The following TRIM40 variants were observed in gnomAD, a reference collection of about 807,000 sequenced individuals.
TRIM40 encodes E3 ubiquitin ligase TRIM40.
TRIM40 carries 27 observed loss-of-function variants against 26.1 expected under a neutral mutation model. That is an observed-to-expected ratio of 1.04 (90% CI 0.76 to 1.43). The LOEUF is 1.43. TRIM40 is among the 40% of genes most tolerant of loss of function. The probability of loss-of-function intolerance (pLI) is 0.00; values close to 1 mark genes in which losing one functional copy is unlikely to be tolerated. For missense variants in TRIM40, 289 were observed against 307.9 expected (o/e 0.94, Z 0.46); for synonymous variants, 114 against 120.0 (o/e 0.95, Z 0.33).
chr6:30,147,782 A>ATT lies in TRIM40; in HGVS notation c.748_749dup (p.Leu250PhefsTer51). The ATT allele has an allele frequency of 6.2e-7, 1 of 1,614,186 alleles. No homozygotes were observed. The highest frequency in any genetic ancestry group is 8.5e-7 in the Non-Finnish European group (1 of 1,180,018). On this transcript the variant is annotated frameshift_variant, in exon 6 of 6. Transcript: ENST00000396581. LOFTEE classifies it low-confidence loss of function (END_TRUNC). ...CCCAGTTGGAGAAAGGAGTCAGTGA[A>ATT]TTGCTTCTTCAGCCCCCTCAGAAGC...
At chr6:30,146,451 G>A (rs540222150) in intron 3 of TRIM40, among the ~76,000 whole-genome samples, 5 of 151,196 alleles carry the variant, frequency 3.3e-5, no homozygotes, top group East Asian at 1.9e-4. Flanking sequence ...TTGCTCTGTC[G>A]CCCAGGCTGG....
At position 30,137,214 on chromosome 6, in the gene TRIM40, T is replaced by C; in HGVS notation, c.178T>C (p.Cys60Arg). Residue 60 changes from cysteine (C) to arginine (R), a missense_variant, in exon 2 of 6, where the codon TGT becomes CGT. By Grantham distance (180) the Cys-to-Arg change is radical (BLOSUM62 -3). Transcript: ENST00000396581. ...CTGCTGCCCCCTCTGCCGGAAGCCCTGTTCTGAGGAGGTGCTAGGGACAGG... is the reference window on the plus strand; with the variant it reads ...CTGCTGCCCCCTCTGCCGGAAGCCCCGTTCTGAGGAGGTGCTAGGGACAGG... The part of the protein sequence containing the change: ...VFCCPLCRKP[C>R]SEEVLGTGYI... 6.2e-7 allele frequency: 1 copy of C among 1,613,060 alleles called. No homozygotes were observed. The highest frequency in any genetic ancestry group is 1.6e-4 in the Middle Eastern group (1 of 6,062).
chr6:30,147,584 C>A, intron 5 of TRIM40, 42 bp downstream of exon 5: 1 of 1,614,146 alleles, frequency 6.2e-7, no homozygotes, highest in Non-Finnish European at 8.5e-7. Flanking sequence ...TGCATATAAA[C>A]CCACACAACA....
At chr6:30,141,412 G>A (rs965469364) in intron 2 of TRIM40, among the ~76,000 whole-genome samples, 5 of 152,198 alleles carry the variant, frequency 3.3e-5, no homozygotes, top group African/African-American at 9.7e-5. Flanking sequence ...AAGTTTTGGG[G>A]TAAGGTTCTG....
intron 2 of TRIM40, among the ~76,000 whole-genome samples, chr6:30,139,285 G>C (rs1200212545): frequency 6.6e-6 from 1 of 151,624 alleles, no homozygotes; most frequent in East Asian, 1.9e-4. Context: ...CCAGGAGTTT[G>C]CAGTGTAGTA....
At chr6:30,137,559 T>C (rs1312381200) in intron 2 of TRIM40, among the ~76,000 whole-genome samples, 178 bp downstream of exon 2, 6 of 152,224 alleles carry the variant, frequency 3.9e-5, no homozygotes, top group Admixed American at 1.3e-4. Context: ...TTGAGGCTGA[T>C]GTTTCCATGC....
rs200653103 is a variant in TRIM40, at chr6:30,136,699, C to G, written c.-304-34C>G. The G allele has an allele frequency of 1.5e-4, 50 of 331,462 alleles. 2 individuals are homozygous for G. The East Asian group carries it at 2.3e-3, about 15-fold the overall frequency. 20.5% of individuals were successfully genotyped at this position (331,462 alleles called of 1,614,324 possible). On this transcript the variant is annotated intron_variant, in intron 1 of 5. Coordinates refer to ENST00000396581, the MANE Select transcript of TRIM40 (RefSeq NM_001286633.2). ...TCACTGAAAGCTGTCAAGAGGAAAA[C>G]AGAATTGGTTATTGAATCACTTGCT... is the stretch of plus-strand genomic sequence containing the variant.
intron 2 of TRIM40, among the ~76,000 whole-genome samples, chr6:30,145,405 C>T (rs1378538774): frequency 1.3e-5 from 2 of 152,166 alleles, no homozygotes; most frequent in East Asian, 3.8e-4. Context: ...CATCAAAAAC[C>T]TGAAAGCAAA....
At chr6:30,146,618 A>G (rs765491994) in intron 3 of TRIM40, among the ~76,000 whole-genome samples, 13 of 151,992 alleles carry the variant, frequency 8.6e-5, no homozygotes, top group Non-Finnish European at 1.5e-4. Context: ...TCACCATGTT[A>G]GCCAGGATGG....
Position 30,137,156 on chromosome 6 carries a change from G to A in TRIM40, c.120G>A (p.Gln40=), listed in dbSNP as rs779068587. Residue 40 remains glutamine (Q), a synonymous_variant, in exon 2 of 6, where the codon CAG becomes CAA. Transcript: ENST00000396581. ...GHLFCRVCLT[Q]HVEKASASGV... ...TCTTCTGTCGAGTGTGCCTGACACAGCATGTGGAGAAGGCCTCAGCCTCTG... is the reference window on the plus strand; with the variant it reads ...TCTTCTGTCGAGTGTGCCTGACACAACATGTGGAGAAGGCCTCAGCCTCTG... 1.1e-5 allele frequency: 18 copies of A among 1,612,998 alleles called. No homozygotes were observed. Among genetic ancestry groups the A allele is most frequent in the Non-Finnish European group, 1.4e-5 (17 of 1,180,046 alleles).
In TRIM40 at chr6:30,147,761, G is replaced by T. The variant is rs1303797578; in HGVS notation, c.726G>T (p.Gln242His). Residue 242 changes from glutamine (Q) to histidine (H), a missense_variant, in exon 6 of 6, where the codon CAG (glutamine) becomes CAT (histidine). Physicochemically the swap from Gln to His is conservative, Grantham distance 24 (BLOSUM62 0). Coordinates refer to ENST00000396581, the MANE Select transcript of TRIM40 (RefSeq NM_001286633.2). The stretch of plus-strand genomic sequence containing the variant: ...AGAAATTAGAGGTTATTTATCCCCA[G>T]TTGGAGAAAGGAGTCAGTGAATTGC... ...APQKLEVIYP[Q>H]LEKGVSELLL... 1.2e-6 allele frequency: 2 copies of T among 1,614,190 alleles called. No homozygotes were observed. Among genetic ancestry groups the T allele is most frequent in the African/African-American group, 2.7e-5 (2 of 75,042 alleles).
intron 3 of TRIM40, among the ~76,000 whole-genome samples, chr6:30,146,776 G>A (rs1261709567): frequency 6.6e-6 from 1 of 152,206 alleles, no homozygotes; most frequent in Non-Finnish European, 1.5e-5. Context: ...CATGGCATCT[G>A]TAGATATTCA....
intron 3 of TRIM40, 28 bp from the exon 4 acceptor site, chr6:30,146,957 T>C (rs755285211): frequency 6.4e-7 from 1 of 1,554,746 alleles, no homozygotes; most frequent in Non-Finnish European, 8.7e-7. Context: ...CACCTGACAC[T>C]GAGTCTTAGG....
chr6:30,143,303 T>C (rs554918020), intron 2 of TRIM40, among the ~76,000 whole-genome samples: 3 of 152,302 alleles, frequency 2.0e-5, no homozygotes, highest in Admixed American at 2.0e-4. Flanking sequence ...AGCTCATGTA[T>C]TTACCATACA....
chr6:30,147,387 A>C, intron 4 of TRIM40, 133 bp from the exon 5 acceptor site: 3 of 1,419,776 alleles, frequency 2.1e-6, no homozygotes, highest in Non-Finnish European at 3.0e-6. Flanking sequence ...GGCACAGAAG[A>C]GGGGTGTTGC....
rs116225092 is a variant in TRIM40, at chr6:30,145,853, G to T, written c.346-141G>T. On this transcript the variant is annotated intron_variant, in intron 2 of 5. Transcript: ENST00000396581. ...TCAAGTCCCTTACTCCAACCATGAT[G>T]CTCTAAAAGCATTTCTTTTTAGGCA... 2.3e-3 allele frequency: 1,446 copies of T among 635,136 alleles called. 14 individuals carry two copies. Among genetic ancestry groups the T allele is most frequent in the African/African-American group, 0.018 (988 of 54,710 alleles). The allele number at this position is 635,136 out of a possible 1,614,324, so 39.3% of individuals were successfully genotyped here.
Position 30,147,628 on chromosome 6 carries a change from T to A in TRIM40, c.689+86T>A, listed in dbSNP as rs1194149208. On this transcript the variant is annotated intron_variant, in intron 5 of 5. Transcript: ENST00000396581. ...CACAGAGGTCAAGGAGACCCACTGC[T>A]CCGTTAGCTTTTGTATCTTGATGCT... 1.9e-6 allele frequency: 3 copies of A among 1,611,304 alleles called. No homozygotes were observed. In the African/African-American group the frequency reaches 4.0e-5, roughly 22 times the overall value.
chr6:30,143,100 G>A (rs1436829562), intron 2 of TRIM40, among the ~76,000 whole-genome samples: 1 of 151,788 alleles, frequency 6.6e-6, no homozygotes, highest in African/African-American at 2.4e-5. Context: ...ATGACTTTTG[G>A]GGGTTTAGTT....
rs556045090 is a variant in TRIM40 at position 30,144,613 on chromosome 6, A to T, written c.346-1381A>T. 3.9e-5 allele frequency among the ~76,000 whole-genome samples: 6 copies of T among 152,286 alleles called. No individual in the cohort carries two copies. In the South Asian group the frequency reaches 6.2e-4, roughly 16 times the overall value. On this transcript the variant is annotated intron_variant, in intron 2 of 5. Coordinates refer to ENST00000396581, the MANE Select transcript of TRIM40 (RefSeq NM_001286633.2). Reference sequence around the variant, plus strand: ...GGCAGAAGGCACAGGTCTAGGAAGGATGGGGTGGAGAGGAGGTACAGAAAG... The same window carrying T: ...GGCAGAAGGCACAGGTCTAGGAAGGTTGGGGTGGAGAGGAGGTACAGAAAG...
Sources: gnomAD v4.1 joint callset for allele counts (sites outside exome capture counted in the v4.1 genomes callset) on GRCh38, gnomAD v4.1.1 for gene constraint, MANE v1.5 for transcripts, NCBI Gene and HGNC (gene_info 2026-07-23, HGNC 2026-07-21) for gene names.